CCDC73: variants seen among roughly 807,000 people sequenced by gnomAD.
CCDC73 encodes the protein coiled-coil domain containing 73, also known as coiled-coil domain-containing protein 73.
Under a neutral mutation model 116.5 loss-of-function variants are expected in CCDC73, and 95 were observed. That is an observed-to-expected ratio of 0.82 (90% CI 0.69 to 0.97). The LOEUF (loss-of-function observed/expected upper bound fraction) is 0.97. Among genes scored for constraint, CCDC73 ranks in the 50% least tolerant of loss-of-function variants. CCDC73 has a pLI of 0.00. For synonymous variants in CCDC73, 398 were observed against 401.3 expected, an observed-to-expected ratio of 0.99 and a Z score of 0.10; for missense variants, 1,066 against 1,206.8, an observed-to-expected ratio of 0.88 and a Z score of 1.73.
At chr11:32,711,933 G>T (rs905082393) in intron 3 of CCDC73, among the ~76,000 whole-genome samples, 10 of 152,252 alleles carry the variant, frequency 6.6e-5, no homozygotes, top group South Asian at 6.2e-4. Context: ...TAGACCTAGT[G>T]GCAAAAGCCA....
chr11:32,655,985 G>T (rs543291735), intron 9 of CCDC73, among the ~76,000 whole-genome samples: 14 of 151,974 alleles, frequency 9.2e-5, no homozygotes, highest in Non-Finnish European at 1.6e-4. Context: ...TCTGATTTTC[G>T]GTCTCGGCTA....
intron 6 of CCDC73, among the ~76,000 whole-genome samples, chr11:32,687,057 A>G (rs1305900234): frequency 1.3e-5 from 2 of 152,220 alleles, no homozygotes; most frequent in Non-Finnish European, 2.9e-5. Context: ...TAGAGAAAAA[A>G]ATCTTATTTT....
At chr11:32,760,804 A>C (rs1472620353) in intron 1 of CCDC73, among the ~76,000 whole-genome samples, 1 of 152,230 alleles carries the variant, frequency 6.6e-6, no homozygotes, top group African/African-American at 2.4e-5. Context: ...ATCAATTCAC[A>C]GGTAGTTGCA....
chr11:32,706,517 T>C (rs1255234834), intron 3 of CCDC73, among the ~76,000 whole-genome samples: 7 of 152,224 alleles, frequency 4.6e-5, no homozygotes, highest in African/African-American at 1.2e-4. Flanking sequence ...TAAGTACTTA[T>C]ACGCAGAAAG....
chr11:32,625,705 A>T (rs1855565486), intron 14 of CCDC73, among the ~76,000 whole-genome samples: 1 of 152,208 alleles, frequency 6.6e-6, no homozygotes. Flanking sequence ...AATCCAGCAT[A>T]TAAACAGAAC....
At chr11:32,768,927 A>G (rs1850469140) in intron 1 of CCDC73, among the ~76,000 whole-genome samples, 1 of 152,222 alleles carries the variant, frequency 6.6e-6, no homozygotes, top group Non-Finnish European at 1.5e-5. Context: ...AGTACTTCAT[A>G]AAAGAGGATA....
At chr11:32,788,253 G>A (rs1443840121) in intron 1 of CCDC73, among the ~76,000 whole-genome samples, 1 of 152,144 alleles carries the variant, frequency 6.6e-6, no homozygotes, top group Non-Finnish European at 1.5e-5. Context: ...AAGGCAGCAT[G>A]TACAATCAGA....
chr11:32,809,678 G>A, the CCDC73 span, among the ~76,000 whole-genome samples: 1 of 152,156 alleles, frequency 6.6e-6, no homozygotes, highest in Admixed American at 6.5e-5. Context: ...TAGGAAGGAA[G>A]GTGGATGGGG....
chr11:32,805,430 G>A, the CCDC73 span, among the ~76,000 whole-genome samples: 2 of 152,090 alleles, frequency 1.3e-5, no homozygotes, highest in Admixed American at 1.3e-4. Context: ...CACATAAGTA[G>A]GAAAAGGATG....
At chr11:32,673,859 C>T (rs1268471327) in intron 9 of CCDC73, among the ~76,000 whole-genome samples, 2 of 152,198 alleles carry the variant, frequency 1.3e-5, no homozygotes, top group African/African-American at 4.8e-5. Flanking sequence ...GTCACCACCT[C>T]TAGACCCAGA....
Position 32,683,557 on chromosome 11 carries a change from T to C in CCDC73, c.408A>G (p.Leu136=). 1 of 1,518,400 alleles carries C rather than the reference T, an allele frequency of 6.6e-7. No homozygotes were observed. The highest frequency in any genetic ancestry group is 9.1e-7 in the Non-Finnish European group (1 of 1,097,886). 94.1% of individuals were successfully genotyped at this position (1,518,400 alleles called of 1,614,324 possible). ...TTACCATTTCACTCACTTTCTTCTG[T>C]AAAGAGTATTTAGAAACCTTGAAAA... ...LKALQVSKYS[L]QKKVSEMEQK... is the part of the protein sequence containing the mutation. Residue 136 remains leucine, a synonymous_variant, in exon 7 of 18, where the codon TTA becomes TTG. Coordinates refer to ENST00000335185, the MANE Select transcript of CCDC73 (RefSeq NM_001008391.4).
chr11:32,702,759 T>C (rs562064964), intron 4 of CCDC73, 114 bp downstream of exon 4: 8 of 765,832 alleles, frequency 1.0e-5, no homozygotes, highest in Non-Finnish European at 1.6e-5. Flanking sequence ...CATAATACCT[T>C]GTTCTCCTTT....
the CCDC73 span, chr11:32,829,923 C>T: frequency 1.0e-6 from 1 of 985,602 alleles, no homozygotes; most frequent in Non-Finnish European, 1.2e-6. Context: ...CGCCTCCTCC[C>T]GTCCTCCGTC....
intron 6 of CCDC73, among the ~76,000 whole-genome samples, chr11:32,693,401 G>C (rs568211983): frequency 1.8e-4 from 27 of 152,308 alleles, no homozygotes; most frequent in Non-Finnish European, 3.7e-4. Flanking sequence ...CATGTATCAT[G>C]TTCAGCAGAC....
At chr11:32,633,978 T>A (rs1339648426) in intron 14 of CCDC73, among the ~76,000 whole-genome samples, 1 of 152,174 alleles carries the variant, frequency 6.6e-6, no homozygotes, top group Non-Finnish European at 1.5e-5. Flanking sequence ...ATGTTAACTC[T>A]TTCCTGCACA....
intron 6 of CCDC73, among the ~76,000 whole-genome samples, chr11:32,684,655 C>G (rs1232159689): frequency 6.6e-6 from 1 of 152,062 alleles, no homozygotes; most frequent in Admixed American, 6.6e-5. Context: ...AGGATAAGTT[C>G]CAAGAAGCAG....
intron 9 of CCDC73, among the ~76,000 whole-genome samples, chr11:32,664,715 A>G (rs912421108): frequency 2.0e-5 from 3 of 152,168 alleles, no homozygotes; most frequent in Non-Finnish European, 4.4e-5. Flanking sequence ...GCCTTCTGCT[A>G]GCTTTTGAAT....
intron 2 of CCDC73, among the ~76,000 whole-genome samples, chr11:32,751,564 G>A (rs1403861141): frequency 6.6e-6 from 1 of 152,182 alleles, no homozygotes. Flanking sequence ...GCTGGGTTCC[G>A]CCTGGTGTTG....
intron 17 of CCDC73, among the ~76,000 whole-genome samples, chr11:32,609,765 G>A (rs1855396310): frequency 6.6e-6 from 1 of 152,072 alleles, no homozygotes; most frequent in Non-Finnish European, 1.5e-5. Flanking sequence ...CATAATCATG[G>A]TGGAAGGCAA....
Sources: gnomAD v4.1 joint callset for allele counts (sites outside exome capture counted in the v4.1 genomes callset) on GRCh38, gnomAD v4.1.1 for gene constraint, MANE v1.5 for transcripts, NCBI Gene and HGNC (gene_info 2026-07-23, HGNC 2026-07-21) for gene names.